DNAJB14: variants seen among roughly 807,000 people sequenced by gnomAD.
DNAJB14 encodes dnaJ homolog subfamily B member 14.
Under a neutral mutation model 48.4 loss-of-function variants are expected in DNAJB14, and 22 were observed. That is an observed-to-expected ratio of 0.45 (90% CI 0.32 to 0.65). The LOEUF is 0.65. Ranked by LOEUF, DNAJB14 falls within the 30% of genes least tolerant of loss-of-function variation. The probability of loss-of-function intolerance (pLI) is 0.03; values close to 1 mark genes in which losing one functional copy is unlikely to be tolerated. For synonymous variants in DNAJB14, 142 were observed against 158.7 expected, an observed-to-expected ratio of 0.89 and a Z score of 0.79; for missense variants, 319 against 458.8, an observed-to-expected ratio of 0.70 and a Z score of 2.78.
chr4:99,939,949 T>C (rs1269632990), intron 1 of DNAJB14, among the ~76,000 whole-genome samples: 1 of 152,252 alleles, frequency 6.6e-6, no homozygotes. Flanking sequence ...CAGAGAACAT[T>C]CACTTTTATG....
At chr4:99,912,647 T>A (rs531531577) in intron 3 of DNAJB14, among the ~76,000 whole-genome samples, 1 of 152,128 alleles carries the variant, frequency 6.6e-6, no homozygotes, top group East Asian at 1.9e-4. Flanking sequence ...GCCTCGCTAA[T>A]GTTGTACTTT....
At chr4:99,913,228 G>A (rs1170818425) in intron 3 of DNAJB14, among the ~76,000 whole-genome samples, 1 of 152,126 alleles carries the variant, frequency 6.6e-6, no homozygotes, top group Non-Finnish European at 1.5e-5. Context: ...TGTTGAATAT[G>A]AGTGGTAAAG....
chr4:99,926,222 C>G (rs1726247740), intron 2 of DNAJB14: 1 of 152,146 alleles, frequency 6.6e-6, no homozygotes, highest in Admixed American at 6.6e-5. Flanking sequence ...CTACAGTTGC[C>G]TCTTTACTTG....
intron 1 of DNAJB14, among the ~76,000 whole-genome samples, chr4:99,931,848 TA>T (rs1726482947): frequency 6.7e-6 from 1 of 150,346 alleles, no homozygotes; most frequent in Admixed American, 6.6e-5. Context: ...AAAAACAAAA[TA>T]AAAAAATCTA....
intron 6 of DNAJB14, among the ~76,000 whole-genome samples, chr4:99,905,055 T>A (rs1015947268): frequency 6.6e-6 from 1 of 152,044 alleles, no homozygotes; most frequent in African/African-American, 2.4e-5. Context: ...ACAGCCAATA[T>A]GATGTTATAG....
At chr4:99,909,423 C>T (rs1578215556) in intron 3 of DNAJB14, among the ~76,000 whole-genome samples, 1 of 152,038 alleles carries the variant, frequency 6.6e-6, no homozygotes, top group African/African-American at 2.4e-5. Flanking sequence ...CACCCTGGAG[C>T]CTGAATGAGC....
At position 99,899,206 on chromosome 4, in the gene DNAJB14, A is replaced by G. The variant is rs566194009; in HGVS notation, c.*1822T>C. ...AGGTAAGTTCACAGAATTATCAGCC[A>G]TAATAGTGTAAATTTGCCATTAAAA... On this transcript the variant is annotated 3_prime_UTR_variant, in exon 8 of 8. Transcript: ENST00000442697. 5.9e-5 allele frequency: 9 copies of G among 152,092 alleles called. No individual in the cohort carries two copies. The highest frequency in any genetic ancestry group is 2.2e-4 in the African/African-American group (9 of 41,572). The allele number at this position is 152,092 out of a possible 1,614,324, so 9.4% of individuals were successfully genotyped here. A position where few individuals can be genotyped will look rare whatever the true frequency, so the allele number is the denominator to read the frequency against.
chr4:99,937,289 C>A (rs962054387), intron 1 of DNAJB14, among the ~76,000 whole-genome samples: 1 of 151,978 alleles, frequency 6.6e-6, no homozygotes, highest in African/African-American at 2.4e-5. Context: ...ACACTCCAGC[C>A]TGGGTGACAG....
chr4:99,918,318 C>A (rs1370023168), intron 3 of DNAJB14, among the ~76,000 whole-genome samples: 1 of 152,040 alleles, frequency 6.6e-6, no homozygotes, highest in Non-Finnish European at 1.5e-5. Context: ...GTTCTTTATA[C>A]TTTTAATAGC....
intron 3 of DNAJB14, among the ~76,000 whole-genome samples, chr4:99,918,846 A>G (rs1725950269): frequency 6.6e-6 from 1 of 152,246 alleles, no homozygotes; most frequent in Non-Finnish European, 1.5e-5. Context: ...CTACCCTAGC[A>G]GGGAGAATGA....
At chr4:99,924,864 G>A in intron 2 of DNAJB14, 1 of 1,358,902 alleles carries the variant, frequency 7.4e-7, no homozygotes, top group Non-Finnish European at 1.0e-6. Flanking sequence ...ATAAAAAACT[G>A]AATTCAACTG....
chr4:99,927,020 C>T (rs545841307), intron 2 of DNAJB14: 74 of 152,268 alleles, frequency 4.9e-4, no homozygotes, highest in African/African-American at 1.7e-3. Flanking sequence ...TCATCATGCT[C>T]CTTTTCATCA....
chr4:99,943,883 A>C (rs954663914), intron 1 of DNAJB14, among the ~76,000 whole-genome samples: 1 of 152,200 alleles, frequency 6.6e-6, no homozygotes, highest in African/African-American at 2.4e-5. Flanking sequence ...AAATAGAAAA[A>C]TGGCACTACA....
At chr4:99,901,643 TA>T (rs548708917) in intron 7 of DNAJB14, among the ~76,000 whole-genome samples, 146 of 152,028 alleles carry the variant, frequency 9.6e-4, no homozygotes, top group African/African-American at 2.5e-3. Context: ...GGAACACAGA[TA>T]AAAAAAATGC....
rs1380278920 is a variant in DNAJB14 at position 99,923,180 on chromosome 4, T to C, written c.311A>G (p.Asn104Ser). Residue 104 changes from asparagine to serine, a missense_variant, in exon 3 of 8, where the codon AAC (asparagine) becomes AGC (serine). By Grantham distance (46) the Asn-to-Ser change is conservative (BLOSUM62 1). Coordinates refer to ENST00000442697, the MANE Select transcript of DNAJB14 (RefSeq NM_001031723.4). ...TACTTCATAGTAATTTTTACATTTG[T>C]TTATGCTGTGAACAAGAGAGTGTGT... ...KDQVDGVLSI[N>S]KCKNYYEVLG... 1.2e-6 allele frequency: 2 copies of C among 1,610,590 alleles called. No homozygotes were observed. Among genetic ancestry groups the C allele is most frequent in the Admixed American group, 1.7e-5 (1 of 59,612 alleles).
At chr4:99,912,773 C>G (rs1023929439) in intron 3 of DNAJB14, among the ~76,000 whole-genome samples, 1 of 152,152 alleles carries the variant, frequency 6.6e-6, no homozygotes, top group African/African-American at 2.4e-5. Context: ...GTCACCGTGC[C>G]CAGCCGACTT....
intron 1 of DNAJB14, chr4:99,942,106 A>G (rs1056506733): frequency 6.6e-6 from 1 of 152,062 alleles, no homozygotes; most frequent in African/African-American, 2.4e-5. Context: ...TATTAGATAT[A>G]AATTTTAAAA....
chr4:99,909,376 C>A (rs532094039), intron 3 of DNAJB14, among the ~76,000 whole-genome samples: 1 of 152,046 alleles, frequency 6.6e-6, no homozygotes, highest in Non-Finnish European at 1.5e-5. Context: ...GATAAATACA[C>A]TCTCTTTATG....
At chr4:99,905,804 G>T in intron 5 of DNAJB14, 98 bp from the exon 6 acceptor site, 3 of 1,354,144 alleles carry the variant, frequency 2.2e-6, no homozygotes, top group Non-Finnish European at 3.1e-6. Context: ...GCGCATTTGA[G>T]ATCATCTAGT....
Sources: allele counts gnomAD v4.1 joint callset (sites outside exome capture counted in the v4.1 genomes callset), GRCh38; gene constraint gnomAD v4.1.1; transcripts MANE v1.5; gene names NCBI Gene and HGNC (gene_info 2026-07-23, HGNC 2026-07-21).